The following PTPRJ variants were observed in gnomAD, a reference collection of about 807,000 sequenced individuals.
PTPRJ encodes receptor-type tyrosine-protein phosphatase eta.
In PTPRJ, 129 loss-of-function variants were observed where a neutral mutation model predicts 141.3. The ratio of observed to expected loss-of-function variants is 0.91; its 90% CI spans 0.79 to 1.06. PTPRJ has a LOEUF of 1.06. PTPRJ is among the 50% of genes least tolerant of loss of function. PTPRJ has a pLI of 0.00. For missense variants in PTPRJ, 1,601 were observed against 1,679.7 expected, an observed-to-expected ratio of 0.95 and a Z score of 0.82; for synonymous variants, 610 against 640.5, an observed-to-expected ratio of 0.95 and a Z score of 0.72.
intron 1 of PTPRJ, among the ~76,000 whole-genome samples, chr11:48,054,996 G>GCA: frequency 6.6e-6 from 1 of 151,972 alleles, no homozygotes; most frequent in South Asian, 2.1e-4. Flanking sequence ...ACCAGCCTGG[G>GCA]CAAACATGGT....
Position 48,167,320 on chromosome 11 carries a change from G to T in PTPRJ, c.3972G>T (p.Ala1324=). The change falls in exon 25 of 25, where the codon GCG becomes GCT. Residue 1324 remains alanine (A), a synonymous_variant. Coordinates refer to ENST00000418331, the MANE Select transcript of PTPRJ (RefSeq NM_002843.4). ...CAATGACAATCTATGAAAACCTTGCGCCCGTGACCACATTTGGAAAGACCA... is the reference window on the plus strand; with the variant it reads ...CAATGACAATCTATGAAAACCTTGCTCCCGTGACCACATTTGGAAAGACCA... The part of the protein sequence containing the change: ...TTAMTIYENL[A]PVTTFGKTNG... 6.2e-7 allele frequency: 1 copy of T among 1,613,918 alleles called. No homozygotes were observed. Among genetic ancestry groups the T allele is most frequent in the Non-Finnish European group, 8.5e-7 (1 of 1,179,914 alleles).
chr11:48,152,425 T>C (rs1857506288), intron 18 of PTPRJ, among the ~76,000 whole-genome samples: 1 of 152,000 alleles, frequency 6.6e-6, no homozygotes, highest in Non-Finnish European at 1.5e-5. Flanking sequence ...GTAGTTTCTT[T>C]TGCTGTGCAG....
chr11:48,046,911 TA>T (rs11343952), intron 1 of PTPRJ, among the ~76,000 whole-genome samples: 3,916 of 86,026 alleles, frequency 0.046, 64 homozygotes, highest in African/African-American at 0.12. Flanking sequence ...TATATATATA[TA>T]TTTTTTTTTT....
chr11:48,040,405 TTTTGCTCATC>T (rs1447712933), intron 1 of PTPRJ, among the ~76,000 whole-genome samples: 2 of 152,204 alleles, frequency 1.3e-5, no homozygotes, highest in Non-Finnish European at 2.9e-5. Flanking sequence ...ATTCCATATG[TTTTGCTCATC>T]TTTGCTTTTT....
chr11:48,156,128 CT>C lies in PTPRJ; in HGVS notation c.3438+15del. 6.4e-7 allele frequency: 1 copy of C among 1,555,994 alleles called. No homozygotes were observed. The highest frequency in any genetic ancestry group is 8.8e-7 in the Non-Finnish European group (1 of 1,138,144). On this transcript the variant is annotated intron_variant, in intron 21 of 24. Transcript: ENST00000418331. ...GTGTTGAACAGGGAAGAGTAAGTATCTTTTTTAGTTTTTAAAATTTAAAATT... is the reference window on the plus strand; with the variant it reads ...GTGTTGAACAGGGAAGAGTAAGTATCTTTTTAGTTTTTAAAATTTAAAATT...
intron 8 of PTPRJ, among the ~76,000 whole-genome samples, chr11:48,135,585 G>A (rs1382854296): frequency 2.0e-5 from 3 of 148,220 alleles, no homozygotes; most frequent in African/African-American, 7.5e-5. Flanking sequence ...GGGTTCAAGC[G>A]ACTCTTGTGC....
rs749735392 is a variant in PTPRJ at position 48,130,713 on chromosome 11, A to G, written c.1612A>G (p.Thr538Ala). 1 of 1,603,120 alleles carries G rather than the reference A, an allele frequency of 6.2e-7. No homozygotes were observed. The highest frequency in any genetic ancestry group is 2.2e-5 in the East Asian group (1 of 44,450). Reference sequence around the variant, plus strand: ...GGCATCTCGGACAGTTTGCAATAGAACTGGTAAGCAAATAGGCTTTTCTGT... The same window carrying G: ...GGCATCTCGGACAGTTTGCAATAGAGCTGGTAAGCAAATAGGCTTTTCTGT... The part of the protein sequence containing the change: ...EGASRTVCNR[T>A]VPSAVFDIHV... Residue 538 changes from threonine to alanine, a missense_variant, in exon 8 of 25, where the codon ACT becomes GCT. Thr to Ala is a moderately conservative substitution (Grantham distance 58). Transcript: ENST00000418331.
chr11:48,153,949 G>A lies in PTPRJ; in HGVS notation c.3229+63G>A, dbSNP rs890620755. The A allele has an allele frequency of 9.7e-6, 11 of 1,137,238 alleles. No individual in the cohort carries two copies. The African/African-American group carries it at 1.7e-4, about 17-fold the overall frequency. 70.4% of individuals were successfully genotyped at this position (1,137,238 alleles called of 1,614,324 possible). ...ATCAGTGGCCATCACATCTCTAAGTGTAGAGGGGAGGGAATCAGTGATCCT... is the reference window on the plus strand; with the variant it reads ...ATCAGTGGCCATCACATCTCTAAGTATAGAGGGGAGGGAATCAGTGATCCT... On this transcript the variant is annotated intron_variant, in intron 19 of 24. Coordinates refer to ENST00000418331, the MANE Select transcript of PTPRJ (RefSeq NM_002843.4).
At chr11:48,001,101 C>T (rs1297005425) in intron 1 of PTPRJ, among the ~76,000 whole-genome samples, 1 of 149,258 alleles carries the variant, frequency 6.7e-6, no homozygotes, top group Non-Finnish European at 1.5e-5. Flanking sequence ...TCAAGCAATT[C>T]TCGGTCCTCA....
At chr11:48,153,689 A>G (rs1857537293) in intron 18 of PTPRJ, 107 bp from the exon 19 acceptor site, 1 of 695,234 alleles carries the variant, frequency 1.4e-6, no homozygotes. Context: ...ATTCAAAAAC[A>G]ACTTGTCTAT....
At chr11:48,024,009 A>G (rs1400012303) in intron 1 of PTPRJ, among the ~76,000 whole-genome samples, 1 of 151,896 alleles carries the variant, frequency 6.6e-6, no homozygotes, top group Non-Finnish European at 1.5e-5. Flanking sequence ...ATAAAAATAT[A>G]TATAAAAAAA....
At chr11:48,105,196 AG>A (rs1856257246) in intron 1 of PTPRJ, among the ~76,000 whole-genome samples, 1 of 151,870 alleles carries the variant, frequency 6.6e-6, no homozygotes, top group Non-Finnish European at 1.5e-5. Flanking sequence ...CCATCCCTCA[AG>A]CCCCTCCCTC....
In PTPRJ at chr11:48,143,024, A is replaced by T; in HGVS notation, c.2549A>T (p.Tyr850Phe). The change falls in exon 12 of 25, where the codon TAT becomes TTT. Residue 850 changes from tyrosine to phenylalanine, a missense_variant. Physicochemically the swap from Tyr to Phe is conservative, Grantham distance 22. Transcript: ENST00000418331. Reference protein sequence around the residue: ...FEASHGPIKAYAVILTTGEAG... With the variant: ...FEASHGPIKAFAVILTTGEAG... ...GCCAGCCACGGACCCATCAAAGCCTATGCTGTCATTCTCACCACCGGGGAA... is the reference window on the plus strand; with the variant it reads ...GCCAGCCACGGACCCATCAAAGCCTTTGCTGTCATTCTCACCACCGGGGAA... 6.2e-7 allele frequency: 1 copy of T among 1,614,150 alleles called. No individual in the cohort carries two copies. The highest frequency in any genetic ancestry group is 8.5e-7 in the Non-Finnish European group (1 of 1,180,002).
intron 21 of PTPRJ, among the ~76,000 whole-genome samples, 176 bp downstream of exon 21, chr11:48,156,295 C>A (rs921098733): frequency 6.6e-6 from 1 of 152,054 alleles, no homozygotes; most frequent in African/African-American, 2.4e-5. Context: ...TAAAAACATT[C>A]TTTAAACAAT....
chr11:47,981,819 A>C (rs1405556906), intron 1 of PTPRJ, among the ~76,000 whole-genome samples: 1 of 152,086 alleles, frequency 6.6e-6, no homozygotes, highest in Non-Finnish European at 1.5e-5. Context: ...ACAGATGGGG[A>C]ACTGAGGGAG....
Position 48,145,014 on chromosome 11 carries a change from G to C in PTPRJ, c.2801G>C (p.Gly934Ala). The change falls in exon 14 of 25, where the codon GGC (glycine) becomes GCC (alanine). Residue 934 changes from glycine (G) to alanine (A), a missense_variant. Coordinates refer to ENST00000418331, the MANE Select transcript of PTPRJ (RefSeq NM_002843.4). ...TTATCCCACAGGGCTTGTGTGGCTGGCTTCACCAACATTACCTTCCACCCT... is the reference window on the plus strand; with the variant it reads ...TTATCCCACAGGGCTTGTGTGGCTGCCTTCACCAACATTACCTTCCACCCT... ...PLGSYRACVA[G>A]FTNITFHPQN... is the part of the protein sequence containing the mutation. 3.7e-6 allele frequency: 6 copies of C among 1,614,112 alleles called. No homozygotes were observed. Among genetic ancestry groups the C allele is most frequent in the Non-Finnish European group, 5.1e-6 (6 of 1,180,020 alleles).
chr11:48,062,260 T>A (rs1214232613), intron 1 of PTPRJ, among the ~76,000 whole-genome samples: 1 of 147,130 alleles, frequency 6.8e-6, no homozygotes, highest in Non-Finnish European at 1.5e-5. Context: ...ATGCCTGTAA[T>A]CCCAGCACTT....
intron 9 of PTPRJ, 53 bp from the exon 10 acceptor site, chr11:48,136,950 G>C (rs1857115675): frequency 6.8e-7 from 1 of 1,477,732 alleles, no homozygotes; most frequent in Non-Finnish European, 9.3e-7. Context: ...AATAGTCCTG[G>C]AATTCTACTT....
chr11:48,106,747 T>TTTTCTTTC (rs1239553140), intron 1 of PTPRJ, among the ~76,000 whole-genome samples: 3 of 147,928 alleles, frequency 2.0e-5, no homozygotes, highest in Admixed American at 6.9e-5. Context: ...TCTTCTTTTC[T>TTTTCTTTC]TTTCTTTCTT....
Sources: allele counts gnomAD v4.1 joint callset (sites outside exome capture counted in the v4.1 genomes callset), GRCh38; gene constraint gnomAD v4.1.1; transcripts MANE v1.5; gene names NCBI Gene and HGNC (gene_info 2026-07-23, HGNC 2026-07-21).